POLR1A: variants seen among roughly 807,000 people sequenced by gnomAD.
The protein encoded by POLR1A is DNA-directed RNA polymerase I subunit RPA1.
In POLR1A, 84 loss-of-function variants were observed where a neutral mutation model predicts 205.3. That is an observed-to-expected ratio of 0.41 (90% CI 0.34 to 0.49). The LOEUF (loss-of-function observed/expected upper bound fraction) is 0.49. Among genes scored for constraint, POLR1A ranks in the 20% least tolerant of loss-of-function variants. The pLI is 0.22. For synonymous variants in POLR1A, 799 were observed against 863.7 expected, an observed-to-expected ratio of 0.93 and a Z score of 1.31; for missense variants, 1,645 against 2,204.5, an observed-to-expected ratio of 0.75 and a Z score of 5.08.
chr2:86,075,011 C>T lies in POLR1A; in HGVS notation c.1611+19G>A, dbSNP rs1237958494. 34 of 1,560,832 alleles carry T rather than the reference C, an allele frequency of 2.2e-5. No homozygotes were observed. Among genetic ancestry groups the T allele is most frequent in the Non-Finnish European group, 3.0e-5 (34 of 1,142,942 alleles). ...AACAGGAGCCGGATGGGTCCCTGAC[C>T]AAAGCTGCCCTTACTCACAATTTTT... is the stretch of plus-strand genomic sequence containing the variant. On this transcript the variant is annotated intron_variant, in intron 12 of 33. Coordinates refer to ENST00000263857, the MANE Select transcript of POLR1A (RefSeq NM_015425.6).
chr2:86,053,811 C>G (rs903721835), intron 15 of POLR1A, among the ~76,000 whole-genome samples: 1 of 152,148 alleles, frequency 6.6e-6, no homozygotes, highest in Non-Finnish European at 1.5e-5. Flanking sequence ...GGTGTGGAGC[C>G]TTATACCAGT....
intron 9 of POLR1A, among the ~76,000 whole-genome samples, chr2:86,079,435 G>C (rs1673355521): frequency 6.6e-6 from 1 of 152,212 alleles, no homozygotes; most frequent in South Asian, 2.1e-4. Flanking sequence ...AACACAGAGA[G>C]TAAGGGGGGA....
chr2:86,104,296 T>C (rs1673877150), intron 1 of POLR1A, among the ~76,000 whole-genome samples: 1 of 152,048 alleles, frequency 6.6e-6, no homozygotes, highest in Non-Finnish European at 1.5e-5. Context: ...CAAATAGACA[T>C]GTAGGTGACA....
rs1458997458 is a variant in POLR1A, at chr2:86,028,000, G to A, written c.4947C>T (p.Cys1649=). ...TCAGTGGCTTGTAAACACCCTCGAA[G>A]CACATATAATCAGCAACCAGGGAGA... ...RHLSLVADYM[C]FEGVYKPLNR... is the part of the protein sequence containing the mutation. The change falls in exon 33 of 34, where the codon TGC becomes TGT. Residue 1649 remains cysteine, a synonymous_variant. Transcript: ENST00000263857. 1 of 1,614,206 alleles carries A rather than the reference G, an allele frequency of 6.2e-7. No individual in the cohort carries two copies. The highest frequency in any genetic ancestry group is 8.5e-7 in the Non-Finnish European group (1 of 1,180,034).
chr2:86,103,240 G>C (rs973587755), intron 1 of POLR1A, among the ~76,000 whole-genome samples: 13 of 152,318 alleles, frequency 8.5e-5, no homozygotes, highest in Middle Eastern at 3.4e-3. Context: ...AGTTGAGGGA[G>C]CAGGCCATAC....
chr2:86,071,168 A>T (rs1673171672), intron 12 of POLR1A, among the ~76,000 whole-genome samples: 1 of 118,138 alleles, frequency 8.5e-6, no homozygotes, highest in South Asian at 3.5e-4. Flanking sequence ...GTGGCATGTG[A>T]CATGATGAAA....
chr2:86,039,309 G>C lies in POLR1A; in HGVS notation c.3876+18C>G. The C allele has an allele frequency of 6.2e-7, 1 of 1,613,210 alleles. No homozygotes were observed. Among genetic ancestry groups the C allele is most frequent in the Non-Finnish European group, 8.5e-7 (1 of 1,179,850 alleles). On this transcript the variant is annotated intron_variant, in intron 26 of 33. Transcript: ENST00000263857. ...CATGCCTTCACCCCGTCTGCAACCT[G>C]GGAAGGAGAGACGTTACCTCCCCCA...
intron 20 of POLR1A, 40 bp downstream of exon 20, chr2:86,045,577 A>G: frequency 1.9e-6 from 3 of 1,608,898 alleles, no homozygotes; most frequent in South Asian, 2.2e-5. Context: ...TAAGCCTAGA[A>G]ATGAGGGAAA....
intron 22 of POLR1A, 28 bp downstream of exon 22, chr2:86,044,111 C>T (rs1221361916): frequency 1.2e-6 from 2 of 1,612,230 alleles, no homozygotes; most frequent in South Asian, 1.1e-5. Flanking sequence ...ACTGCTCGGC[C>T]CCCAGGCTCC....
At chr2:86,093,760 C>G (rs1673653026) in intron 3 of POLR1A, among the ~76,000 whole-genome samples, 1 of 152,136 alleles carries the variant, frequency 6.6e-6, no homozygotes, top group East Asian at 1.9e-4. Flanking sequence ...ACCCCGGAGG[C>G]AGAGGTTGCA....
chr2:86,105,577 G>A (rs544389656), intron 1 of POLR1A, 123 bp downstream of exon 1: 2 of 653,340 alleles, frequency 3.1e-6, no homozygotes, highest in Admixed American at 2.7e-5. Flanking sequence ...GCTCCCAGCA[G>A]GACAAGCGCC....
intron 6 of POLR1A, among the ~76,000 whole-genome samples, chr2:86,085,893 C>T (rs1558783012): frequency 6.6e-6 from 1 of 152,142 alleles, no homozygotes; most frequent in Non-Finnish European, 1.5e-5. Context: ...CTGGAAGTGT[C>T]TTGGCTATAT....
chr2:86,090,012 G>T, intron 3 of POLR1A, 83 bp from the exon 4 acceptor site: 2 of 726,036 alleles, frequency 2.8e-6, no homozygotes, highest in Non-Finnish European at 2.5e-6. Flanking sequence ...CCTCTCCAAG[G>T]GTGGAAAAGA....
chr2:86,032,650 A>T (rs1228909633), intron 28 of POLR1A, among the ~76,000 whole-genome samples: 3 of 149,404 alleles, frequency 2.0e-5, no homozygotes, highest in African/African-American at 7.4e-5. Flanking sequence ...CCCAAAAATT[A>T]AAAAAAAAAG....
In POLR1A at chr2:86,021,844, AAGAT is replaced by A. The variant is rs1384120636; in HGVS notation, c.*5575_*5578del. 3 of 152,044 alleles carry A rather than the reference AAGAT, an allele frequency of 2.0e-5. No individual in the cohort carries two copies. The highest frequency in any genetic ancestry group is 4.4e-5 in the Non-Finnish European group (3 of 68,050). The allele number at this position is 152,044 out of a possible 1,614,324, so 9.4% of individuals were successfully genotyped here. The stretch of plus-strand genomic sequence containing the variant: ...CAGGCCATTGAGTCCAACTTGCGCG[AAGAT>A]AGTCACTGGGGAGCTGCAGTGACAC... On this transcript the variant is annotated 3_prime_UTR_variant, in exon 34 of 34. Coordinates refer to ENST00000263857, the MANE Select transcript of POLR1A (RefSeq NM_015425.6).
chr2:86,065,010 G>C (rs1057047961), intron 14 of POLR1A, among the ~76,000 whole-genome samples: 3 of 152,068 alleles, frequency 2.0e-5, no homozygotes, highest in African/African-American at 7.2e-5. Flanking sequence ...CCAGACCTCA[G>C]GTGATCTGCC....
chr2:86,041,968 T>C lies in POLR1A; in HGVS notation c.3493A>G (p.Thr1165Ala). The change falls in exon 24 of 34, where the codon ACA (threonine) becomes GCA (alanine). Residue 1165 changes from threonine to alanine, a missense_variant. Physicochemically the swap from Thr to Ala is moderately conservative, Grantham distance 58 (BLOSUM62 0). This residue lies in a region of POLR1A where 201 missense variants were observed against 222.3 expected (regional missense o/e 0.90). Coordinates refer to ENST00000263857, the MANE Select transcript of POLR1A (RefSeq NM_015425.6). ...YFASVSETFE[T>A]KVDDYSQEWA... ...TCTTGACTGTAGTCATCAACCTTTG[T>C]TTCAAATGTTTCTGACACTGATGCA... The C allele has an allele frequency of 6.2e-7, 1 of 1,614,180 alleles. No individual in the cohort carries two copies. The highest frequency in any genetic ancestry group is 1.7e-5 in the Admixed American group (1 of 60,034).
At position 86,088,873 on chromosome 2, in the gene POLR1A, G is replaced by A. The variant is rs1459121322; in HGVS notation, c.541-3C>T. On this transcript the variant is annotated splice_region_variant and splice_polypyrimidine_tract_variant and intron_variant, in intron 4 of 33. Transcript: ENST00000263857. ...TTGCTCTCACACACGTTCTTTACCT[G>A]TTTTTTTAAAAAAAGTCAGAGAACC... 2.5e-6 allele frequency: 4 copies of A among 1,605,192 alleles called. No individual in the cohort carries two copies. Among genetic ancestry groups the A allele is most frequent in the South Asian group, 1.1e-5 (1 of 89,826 alleles).
chr2:86,034,159 C>A (rs1222017676), intron 27 of POLR1A, among the ~76,000 whole-genome samples: 1 of 152,210 alleles, frequency 6.6e-6, no homozygotes, highest in Non-Finnish European at 1.5e-5. Flanking sequence ...TCTCACAGCG[C>A]CTGGCAGAGT....
Sources: allele counts gnomAD v4.1 joint callset (sites outside exome capture counted in the v4.1 genomes callset), GRCh38; gene constraint gnomAD v4.1.1; regional missense constraint gnomAD v4.1.1; transcripts MANE v1.5; gene names NCBI Gene and HGNC (gene_info 2026-07-23, HGNC 2026-07-21).